The following BMP5 variants were observed in gnomAD, a reference collection of about 807,000 sequenced individuals.
BMP5 encodes bone morphogenetic protein 5.
BMP5 carries 23 observed loss-of-function variants against 46.6 expected under a neutral mutation model. That is an observed-to-expected ratio of 0.49 (90% confidence interval 0.35 to 0.70). BMP5 has a LOEUF of 0.70. BMP5 is among the 30% of genes least tolerant of loss of function. The pLI, the probability that BMP5 is intolerant of heterozygous loss-of-function variation, is 0.00. For synonymous variants in BMP5, 204 were observed against 191.9 expected, an observed-to-expected ratio of 1.06 and a Z score of -0.52; for missense variants, 545 against 565.6, an observed-to-expected ratio of 0.96 and a Z score of 0.37.
intron 3 of BMP5, 82 bp from the exon 4 acceptor site, chr6:55,774,325 A>G: frequency 7.5e-7 from 1 of 1,332,798 alleles, no homozygotes; most frequent in Middle Eastern, 2.5e-4. Context: ...GGGTACTTTG[A>G]AAAGGGGAAA....
At chr6:55,802,790 T>C (rs1368441327) in intron 2 of BMP5, among the ~76,000 whole-genome samples, 5 of 151,464 alleles carry the variant, frequency 3.3e-5, no homozygotes, top group Admixed American at 3.3e-4. Context: ...CTACCTAATA[T>C]ATATTAAATA....
rs1425796374 is a variant in BMP5 at position 55,874,673 on chromosome 6, G to C, written c.193C>G (p.Pro65Ala). Residue 65 changes from proline to alanine, a missense_variant, in exon 1 of 7, where the codon CCC becomes GCC. By Grantham distance (27) the Pro-to-Ala change is conservative (BLOSUM62 -1). Transcript: ENST00000370830. The stretch of plus-strand genomic sequence containing the variant: ...TGTTTTCCAGGTGAAAATGGTCTGG[G>C]TCTGTGAGGCAAACCCAAGATAGAG... ...ILSILGLPHRPRPFSPGKQAS... is the reference protein window; with the variant it reads ...ILSILGLPHRARPFSPGKQAS... The C allele has an allele frequency of 6.8e-6, 11 of 1,613,476 alleles. No individual in the cohort carries two copies. The highest frequency in any genetic ancestry group is 9.3e-6 in the Non-Finnish European group (11 of 1,179,730).
At chr6:55,792,804 C>A (rs181424835) in intron 3 of BMP5, among the ~76,000 whole-genome samples, 1 of 152,194 alleles carries the variant, frequency 6.6e-6, no homozygotes, top group East Asian at 1.9e-4. Flanking sequence ...TTAAACAAGG[C>A]TTTTGTGTAA....
intron 4 of BMP5, among the ~76,000 whole-genome samples, chr6:55,763,920 T>C (rs1774850214): frequency 6.6e-6 from 1 of 152,166 alleles, no homozygotes; most frequent in African/African-American, 2.4e-5. Flanking sequence ...TCTTTTTGTC[T>C]TAGAATAAAA....
chr6:55,851,993 C>A (rs932252498), intron 1 of BMP5, among the ~76,000 whole-genome samples: 1 of 152,028 alleles, frequency 6.6e-6, no homozygotes, highest in Non-Finnish European at 1.5e-5. Context: ...ATTGTATTAG[C>A]CCAAATTTTC....
intron 1 of BMP5, among the ~76,000 whole-genome samples, chr6:55,835,788 G>T (rs1776779774): frequency 6.6e-6 from 1 of 152,096 alleles, no homozygotes; most frequent in Non-Finnish European, 1.5e-5. Flanking sequence ...CTTGAAAATC[G>T]CTTCAGTGGC....
intron 3 of BMP5, among the ~76,000 whole-genome samples, chr6:55,787,193 C>T (rs1011282236): frequency 1.3e-5 from 2 of 151,444 alleles, no homozygotes; most frequent in African/African-American, 4.8e-5. Flanking sequence ...GGAGCTCTTT[C>T]CCTGAGGTAA....
At chr6:55,816,545 C>A (rs2127537333) in intron 2 of BMP5, among the ~76,000 whole-genome samples, 1 of 152,012 alleles carries the variant, frequency 6.6e-6, no homozygotes, top group African/African-American at 2.4e-5. Context: ...TAAATGGAAC[C>A]ATTAGATTGA....
At chr6:55,778,992 A>G (rs539326348) in intron 3 of BMP5, among the ~76,000 whole-genome samples, 1 of 152,194 alleles carries the variant, frequency 6.6e-6, no homozygotes, top group Non-Finnish European at 1.5e-5. Flanking sequence ...GGCAAACCAA[A>G]GCTCTATCCC....
rs1430451553 is a variant in BMP5 at position 55,776,995 on chromosome 6, C to A, written c.833-2752G>T. ...TATTTGAAGCAAAGTACCCTCCAAA[C>A]CAATGTGAACTCCCTTTAAAATAAC... On this transcript the variant is annotated intron_variant, in intron 3 of 6. Coordinates refer to ENST00000370830, the MANE Select transcript of BMP5 (RefSeq NM_021073.4). Among the ~76,000 whole-genome samples, 5 of 151,814 alleles carry A rather than the reference C, an allele frequency of 3.3e-5. No homozygotes were observed. The East Asian group carries it at 9.7e-4, about 29-fold the overall frequency.
chr6:55,850,058 C>A (rs997148743), intron 1 of BMP5, among the ~76,000 whole-genome samples: 4 of 152,052 alleles, frequency 2.6e-5, no homozygotes, highest in African/African-American at 9.7e-5. Flanking sequence ...TGACCAAGAA[C>A]AGCACTTCAT....
chr6:55,861,015 T>G (rs975326003), intron 1 of BMP5, among the ~76,000 whole-genome samples: 3 of 152,194 alleles, frequency 2.0e-5, no homozygotes, highest in Non-Finnish European at 2.9e-5. Flanking sequence ...TGCAAGAGAT[T>G]AGGGCTGTAA....
intron 1 of BMP5, among the ~76,000 whole-genome samples, chr6:55,841,641 G>T (rs532782315): frequency 6.6e-6 from 1 of 152,060 alleles, no homozygotes; most frequent in Non-Finnish European, 1.5e-5. Flanking sequence ...CCTTTTCTTG[G>T]CATGCAGATG....
chr6:55,761,988 C>T (rs1448220416), intron 4 of BMP5, among the ~76,000 whole-genome samples: 3 of 151,990 alleles, frequency 2.0e-5, no homozygotes, highest in African/African-American at 7.2e-5. Context: ...TGATTTGAGG[C>T]AAGTGAAATA....
chr6:55,806,506 G>A (rs6905814), intron 2 of BMP5, among the ~76,000 whole-genome samples: 31,056 of 152,076 alleles, frequency 0.2, 3,635 homozygotes, highest in African/African-American at 0.31. Context: ...GTAGCATGAT[G>A]CCTCCAGCTT....
intron 1 of BMP5, among the ~76,000 whole-genome samples, chr6:55,828,874 T>C (rs797016548): frequency 1.3e-5 from 2 of 151,800 alleles, no homozygotes; most frequent in Non-Finnish European, 2.9e-5. Context: ...TATAATATAA[T>C]AGAGTTCACT....
intron 2 of BMP5, among the ~76,000 whole-genome samples, chr6:55,799,151 G>A (rs1185708928): frequency 6.6e-6 from 1 of 152,112 alleles, no homozygotes. Context: ...AAAATGGTAT[G>A]ACAATCCCTG....
intron 2 of BMP5, among the ~76,000 whole-genome samples, chr6:55,800,870 C>G (rs1234729774): frequency 6.6e-6 from 1 of 152,158 alleles, no homozygotes; most frequent in Non-Finnish European, 1.5e-5. Flanking sequence ...AGAACACTTT[C>G]TCTTATAAAA....
chr6:55,801,507 T>C (rs1775848432), intron 2 of BMP5, among the ~76,000 whole-genome samples: 1 of 152,222 alleles, frequency 6.6e-6, no homozygotes, highest in Admixed American at 6.5e-5. Flanking sequence ...TTTGTCCTTG[T>C]TTCCCCCAAT....
Sources: gnomAD v4.1 joint callset for allele counts (sites outside exome capture counted in the v4.1 genomes callset) on GRCh38, gnomAD v4.1.1 for gene constraint, MANE v1.5 for transcripts, NCBI Gene and HGNC (gene_info 2026-07-23, HGNC 2026-07-21) for gene names.